The following STOML3 variants were observed in gnomAD, a reference collection of about 807,000 sequenced individuals.
STOML3 encodes the protein stomatin-like protein 3.
Under a neutral mutation model 29.5 loss-of-function variants are expected in STOML3, and 31 were observed. The ratio of observed to expected loss-of-function variants is 1.05; its 90% CI spans 0.79 to 1.42. STOML3 has a LOEUF of 1.42. STOML3 is among the 40% of genes most tolerant of loss of function. The pLI is 0.00. For synonymous variants in STOML3, 122 were observed against 139.8 expected (o/e 0.87, Z 0.90); for missense variants, 380 against 363.0 (o/e 1.05, Z -0.38).
intron 6 of STOML3, among the ~76,000 whole-genome samples, 155 bp downstream of exon 6, chr13:38,968,245 C>T (rs918835341): frequency 2.9e-4 from 44 of 152,266 alleles, no homozygotes; most frequent in African/African-American, 9.4e-4. Flanking sequence ...CTGCTGGTTA[C>T]CTTTTAATTC....
In STOML3 at chr13:38,978,007, G is replaced by A. The variant is rs569767156; in HGVS notation, c.53-1210C>T. 3.0e-4 allele frequency among the ~76,000 whole-genome samples: 46 copies of A among 151,996 alleles called. No individual in the cohort carries two copies. In the Middle Eastern group the frequency reaches 0.01, roughly 34 times the overall value. On this transcript the variant is annotated intron_variant, in intron 1 of 6. Coordinates refer to ENST00000379631, the MANE Select transcript of STOML3 (RefSeq NM_145286.3). ...AATCTCCTAACCTTGTGATCTGCCC[G>A]CCTCAGCCTCCCAAAGTTCTGGGAT... is the stretch of plus-strand genomic sequence containing the variant.
intron 3 of STOML3, among the ~76,000 whole-genome samples, chr13:38,975,895 G>A (rs1176264930): frequency 6.6e-6 from 1 of 151,972 alleles, no homozygotes; most frequent in Non-Finnish European, 1.5e-5. Context: ...GTAAAGAAAG[G>A]ATGGAAATAA....
chr13:38,973,066 C>G (rs1175470964), intron 3 of STOML3, among the ~76,000 whole-genome samples: 1 of 130,106 alleles, frequency 7.7e-6, no homozygotes, highest in African/African-American at 2.9e-5. Flanking sequence ...CAAGACCAGC[C>G]TGGCCAACAT....
intron 1 of STOML3, among the ~76,000 whole-genome samples, chr13:38,984,638 C>T (rs2138024026): frequency 6.6e-6 from 1 of 152,270 alleles, no homozygotes; most frequent in Middle Eastern, 3.4e-3. Flanking sequence ...TACCCTATAG[C>T]CCAGGTGTAC....
intron 1 of STOML3, among the ~76,000 whole-genome samples, chr13:38,985,250 C>T (rs1445837952): frequency 2.6e-5 from 4 of 151,980 alleles, no homozygotes; most frequent in Non-Finnish European, 2.9e-5. Context: ...ATGGTGAAAC[C>T]CATCTCTACT....
intron 1 of STOML3, among the ~76,000 whole-genome samples, chr13:38,977,916 C>T (rs952251309): frequency 6.6e-6 from 1 of 151,870 alleles, no homozygotes; most frequent in Non-Finnish European, 1.5e-5. Context: ...CCCGCCACCA[C>T]ACCTGGCTAA....
At chr13:38,975,256 G>A (rs1881028163) in intron 3 of STOML3, among the ~76,000 whole-genome samples, 1 of 151,702 alleles carries the variant, frequency 6.6e-6, no homozygotes, top group Non-Finnish European at 1.5e-5. Context: ...GGAAGGCAGA[G>A]GTTGCAGTGA....
At chr13:38,981,712 CG>C (rs1881272238) in intron 1 of STOML3, among the ~76,000 whole-genome samples, 1 of 151,986 alleles carries the variant, frequency 6.6e-6, no homozygotes. Context: ...TCAAAACCAC[CG>C]TAAGATTCCA....
chr13:38,975,277 C>T lies in STOML3; in HGVS notation c.229+1263G>A, dbSNP rs530360130. On this transcript the variant is annotated intron_variant, in intron 3 of 6. Transcript: ENST00000379631. ...CAGAGGTTGCAGTGAGCCGAGATCA[C>T]GCCACTGCACTCCAGCCTGGGCGAC... Among the ~76,000 whole-genome samples, 15 of 150,926 alleles carry T rather than the reference C, an allele frequency of 9.9e-5. No individual in the cohort carries two copies. The East Asian group carries it at 2.3e-3, about 24-fold the overall frequency.
chr13:38,968,632 T>TTTCTTTTTC, intron 5 of STOML3, 98 bp from the exon 6 acceptor site: 1 of 1,425,448 alleles, frequency 7.0e-7, no homozygotes, highest in Non-Finnish European at 9.5e-7. Context: ...TTTTCTTTTT[T>TTTCTTTTTC]TTCTTTTTCT....
intron 4 of STOML3, among the ~76,000 whole-genome samples, chr13:38,971,438 T>C (rs770529732): frequency 1.2e-4 from 19 of 152,166 alleles, no homozygotes; most frequent in African/African-American, 4.6e-4. Context: ...AAAATTAACA[T>C]ATATTTATAA....
chr13:38,989,951 T>C (rs996734267), intron 1 of STOML3, among the ~76,000 whole-genome samples: 1 of 151,912 alleles, frequency 6.6e-6, no homozygotes, highest in Admixed American at 6.6e-5. Context: ...ACGCACACCA[T>C]CATCATAATC....
chr13:38,984,595 T>C (rs1868434305), intron 1 of STOML3, among the ~76,000 whole-genome samples: 1 of 152,216 alleles, frequency 6.6e-6, no homozygotes, highest in Non-Finnish European at 1.5e-5. Flanking sequence ...AGTGACATGC[T>C]GTACAGGTGT....
intron 5 of STOML3, among the ~76,000 whole-genome samples, chr13:38,969,869 T>C (rs1410521231): frequency 5.9e-5 from 9 of 152,196 alleles, no homozygotes; most frequent in Non-Finnish European, 2.9e-5. Flanking sequence ...AACCTAAAAA[T>C]AAATCTGATC....
Position 38,970,353 on chromosome 13 carries a change from A to G in STOML3, c.348T>C (p.Asp116=). The G allele has an allele frequency of 6.2e-7, 1 of 1,614,142 alleles. No individual in the cohort carries two copies. Among genetic ancestry groups the G allele is most frequent in the Non-Finnish European group, 8.5e-7 (1 of 1,180,010 alleles). ...LTRDSVTTQV[D]GVVYYRIYSA... ...TATAGATTCTGTAATAGACAACTCC[A>G]TCTACCTGAGTAGTTACGGAGTCTC... The change falls in exon 5 of 7, where the codon GAT becomes GAC. Residue 116 remains aspartate (D), a synonymous_variant. Transcript: ENST00000379631.
chr13:38,968,657 A>G, intron 5 of STOML3, 123 bp from the exon 6 acceptor site: 6 of 1,152,728 alleles, frequency 5.2e-6, no homozygotes, highest in Non-Finnish European at 7.3e-6. Context: ...CATTTACAGC[A>G]TTTGGAGTGA....
intron 3 of STOML3, among the ~76,000 whole-genome samples, chr13:38,973,087 C>T (rs1326204857): frequency 8.1e-6 from 1 of 122,934 alleles, no homozygotes; most frequent in African/African-American, 3.0e-5. Context: ...GGTGAAGCCC[C>T]GTCTCTACTA....
intron 1 of STOML3, among the ~76,000 whole-genome samples, chr13:38,984,685 C>G (rs1209963420): frequency 6.6e-6 from 1 of 152,148 alleles, no homozygotes; most frequent in Non-Finnish European, 1.5e-5. Context: ...TAGGTACACT[C>G]TATGATGTTC....
chr13:38,968,290 C>A, intron 6 of STOML3, 110 bp downstream of exon 6: 3 of 1,447,920 alleles, frequency 2.1e-6, no homozygotes, highest in African/African-American at 1.4e-5. Context: ...GAAAAGAAAC[C>A]CCTTTCTCAT....
Sources: allele counts gnomAD v4.1 joint callset (sites outside exome capture counted in the v4.1 genomes callset), GRCh38; gene constraint gnomAD v4.1.1; transcripts MANE v1.5; gene names NCBI Gene and HGNC (gene_info 2026-07-23, HGNC 2026-07-21).